The following DLGAP4 variants were observed in gnomAD, a reference collection of about 807,000 sequenced individuals.
DLGAP4 encodes the protein DLG associated protein 4.
A neutral mutation model predicts 86.9 loss-of-function variants in DLGAP4; 18 were observed. The observed-to-expected ratio is 0.21, with a 90% CI of 0.14 to 0.31. DLGAP4 has a LOEUF of 0.31. Ranked by LOEUF, DLGAP4 falls within the 10% of genes least tolerant of loss-of-function variation. The pLI is 1.00. For synonymous variants in DLGAP4, 548 were observed against 574.3 expected (o/e 0.95, Z 0.65); for missense variants, 1,085 against 1,362.6 (o/e 0.80, Z 3.21).
At chr20:36,437,844 T>A (rs1189001972) in intron 4 of DLGAP4, among the ~76,000 whole-genome samples, 5 of 152,170 alleles carry the variant, frequency 3.3e-5, no homozygotes, top group African/African-American at 1.2e-4. Flanking sequence ...GCCTCCAGGT[T>A]GGAATTAAGG....
chr20:36,461,807 C>G (rs1445318107), intron 7 of DLGAP4: 77 of 979,142 alleles, frequency 7.9e-5, no homozygotes, highest in South Asian at 4.6e-4. Context: ...TCCTCCAGCC[C>G]GTGTCCCCGC....
At chr20:36,444,409 G>A (rs991548238) in intron 6 of DLGAP4, among the ~76,000 whole-genome samples, 1 of 151,700 alleles carries the variant, frequency 6.6e-6, no homozygotes, top group East Asian at 1.9e-4. Context: ...TCAACCTCCC[G>A]AGTAGCTGGG....
In DLGAP4 at chr20:36,470,497, T is replaced by G. The variant is rs962494551; in HGVS notation, c.1648+23560T>G. On this transcript the variant is annotated intron_variant, in intron 7 of 12. Coordinates refer to ENST00000339266, the MANE Select transcript of DLGAP4 (RefSeq NM_001365621.2). ...ATCTCTGGATACGTTTTGCTGGAGG[T>G]TTTTTTTGTGTGTAAAAGTTATATT... Among the ~76,000 whole-genome samples, 7 of 151,214 alleles carry G rather than the reference T, an allele frequency of 4.6e-5. No individual in the cohort carries two copies. The East Asian group carries it at 5.8e-4, about 13-fold the overall frequency.
At position 36,451,887 on chromosome 20, in the gene DLGAP4, A is replaced by G. The variant is rs113349154; in HGVS notation, c.1648+4950A>G. The stretch of plus-strand genomic sequence containing the variant: ...GTGATTCTCCTGCCTCAGCCTCCCA[A>G]GTAGCTGGGATTACAGGTATGCACC... On this transcript the variant is annotated intron_variant, in intron 7 of 12. Coordinates refer to ENST00000339266, the MANE Select transcript of DLGAP4 (RefSeq NM_001365621.2). Among the ~76,000 whole-genome samples, 1,444 of 151,770 alleles carry G rather than the reference A, an allele frequency of 9.5e-3. 25 individuals carry two copies. The highest frequency in any genetic ancestry group is 0.034 in the African/African-American group (1,397 of 41,338).
chr20:36,377,231 G>T (rs1035147437), intron 2 of DLGAP4, among the ~76,000 whole-genome samples: 3 of 152,160 alleles, frequency 2.0e-5, no homozygotes, highest in African/African-American at 7.2e-5. Context: ...GATAGGTAGC[G>T]ATCTCCTCAT....
In DLGAP4 at chr20:36,431,529, A is replaced by G; in HGVS notation, c.-72-117A>G. 5 of 642,746 alleles carry G rather than the reference A, an allele frequency of 7.8e-6. No individual in the cohort carries two copies. The highest frequency in any genetic ancestry group is 4.2e-5 in the South Asian group (2 of 48,036). 39.8% of individuals were successfully genotyped at this position (642,746 alleles called of 1,614,324 possible). On this transcript the variant is annotated intron_variant, in intron 2 of 12. Coordinates refer to ENST00000339266, the MANE Select transcript of DLGAP4 (RefSeq NM_001365621.2). This position sits in a 1 kb window ranked among gnomAD's most constrained non-coding sequence, Gnocchi z 5.1. ...GTGTACTCCTGTCCTCAGGCCCACA[A>G]CATTGAGGACTGGCTTCAGAGATCC...
intron 2 of DLGAP4, among the ~76,000 whole-genome samples, chr20:36,395,270 T>G (rs552844234): frequency 6.6e-6 from 1 of 152,312 alleles, no homozygotes; most frequent in African/African-American, 2.4e-5. Flanking sequence ...TGCATGACAT[T>G]ATATTATATA....
At chr20:36,498,017 A>C (rs1186197192) in intron 8 of DLGAP4, 1 of 152,286 alleles carries the variant, frequency 6.6e-6, no homozygotes. Context: ...CCAGGGGTTG[A>C]GTCAGGGAGG....
intron 1 of DLGAP4, among the ~76,000 whole-genome samples, chr20:36,318,314 C>G (rs2065131532): frequency 2.0e-5 from 3 of 152,276 alleles, no homozygotes; most frequent in African/African-American, 7.2e-5. Context: ...GAAGGGGCCA[C>G]TGTCCTCACA....
intron 7 of DLGAP4, chr20:36,462,640 C>T (rs1362644956): frequency 6.4e-7 from 1 of 1,563,622 alleles, no homozygotes; most frequent in Non-Finnish European, 8.6e-7. Flanking sequence ...AGTTGGCCCG[C>T]AGGCTGGCCG....
At chr20:36,513,208 G>A (rs1459937687) in intron 10 of DLGAP4, among the ~76,000 whole-genome samples, 1 of 151,732 alleles carries the variant, frequency 6.6e-6, no homozygotes, top group Non-Finnish European at 1.5e-5. Flanking sequence ...TTTACTCCAA[G>A]AAGAGCTCAT....
chr20:36,424,182 G>A (rs972502465), intron 2 of DLGAP4, among the ~76,000 whole-genome samples: 1 of 152,170 alleles, frequency 6.6e-6, no homozygotes, highest in Admixed American at 6.5e-5. Flanking sequence ...AAGGGGACAG[G>A]ATTGGGCAGA....
At chr20:36,347,775 A>G (rs4268984) in intron 1 of DLGAP4, among the ~76,000 whole-genome samples, 59,953 of 148,708 alleles carry the variant, frequency 0.4, 12,238 homozygotes, top group East Asian at 0.6. Flanking sequence ...ACAGTGAGCA[A>G]TGATTGTGCC....
chr20:36,502,924 T>G (rs1456103622), intron 10 of DLGAP4, among the ~76,000 whole-genome samples: 1 of 151,864 alleles, frequency 6.6e-6, no homozygotes, highest in East Asian at 1.9e-4. Context: ...GGGGTTTCAC[T>G]GTGTTGGCCA....
At chr20:36,420,227 C>A (rs1340153476) in intron 2 of DLGAP4, among the ~76,000 whole-genome samples, 1 of 152,202 alleles carries the variant, frequency 6.6e-6, no homozygotes, top group Non-Finnish European at 1.5e-5. Flanking sequence ...GTGCTGGATG[C>A]TGGAGACGCA....
At chr20:36,452,179 G>A (rs532520677) in intron 7 of DLGAP4, among the ~76,000 whole-genome samples, 4 of 151,984 alleles carry the variant, frequency 2.6e-5, no homozygotes, top group South Asian at 2.1e-4. Flanking sequence ...CTTGAAGATC[G>A]GCTATTTTTT....
At chr20:36,341,996 G>C (rs782665876) in intron 1 of DLGAP4, among the ~76,000 whole-genome samples, 1 of 152,212 alleles carries the variant, frequency 6.6e-6, no homozygotes, top group South Asian at 2.1e-4. Context: ...ACAGCAGCAG[G>C]CTGTTGGATC....
At chr20:36,501,919 C>G (rs1398993496) in intron 10 of DLGAP4, among the ~76,000 whole-genome samples, 1 of 152,200 alleles carries the variant, frequency 6.6e-6, no homozygotes, top group Non-Finnish European at 1.5e-5. Flanking sequence ...AGACAAGGAT[C>G]AGAGAGCATT....
At chr20:36,442,632 C>T in intron 5 of DLGAP4, 95 bp from the exon 6 acceptor site, 1 of 1,413,150 alleles carries the variant, frequency 7.1e-7, no homozygotes, top group South Asian at 1.2e-5. Flanking sequence ...GAGGTTAGAC[C>T]AGCCAGCTTC....
Sources: gnomAD v4.1 joint callset for allele counts (sites outside exome capture counted in the v4.1 genomes callset) on GRCh38, gnomAD v4.1.1 for gene constraint, Gnocchi (gnomAD v3.1) non-coding constraint, MANE v1.5 for transcripts, NCBI Gene and HGNC (gene_info 2026-07-23, HGNC 2026-07-21) for gene names.